The following RAB4A variants were observed in gnomAD, a reference collection of about 807,000 sequenced individuals.
RAB4A encodes ras-related protein Rab-4A.
In RAB4A, 20 loss-of-function variants were observed where a neutral mutation model predicts 34.5. That is an observed-to-expected ratio of 0.58 (90% CI 0.41 to 0.84). The LOEUF is 0.84. Ranked by LOEUF, RAB4A falls within the 40% of genes least tolerant of loss-of-function variation. RAB4A has a pLI of 0.00. For synonymous variants in RAB4A, 102 were observed against 100.0 expected, an observed-to-expected ratio of 1.02 and a Z score of -0.12; for missense variants, 228 against 274.5, an observed-to-expected ratio of 0.83 and a Z score of 1.20.
At chr1:229,277,867 TTTC>T (rs1416789817) in intron 1 of RAB4A, among the ~76,000 whole-genome samples, 1 of 151,246 alleles carries the variant, frequency 6.6e-6, no homozygotes, top group Non-Finnish European at 1.5e-5. Context: ...ATCTCCTCCC[TTTC>T]TTCTTTTTTT....
intron 3 of RAB4A, 138 bp from the exon 4 acceptor site, chr1:229,295,710 T>C (rs1171289761): frequency 3.9e-6 from 3 of 759,740 alleles, no homozygotes; most frequent in Non-Finnish European, 6.6e-6. Flanking sequence ...CAAATATCTT[T>C]GAATCATTTC....
chr1:229,285,165 C>T (rs970711861), intron 1 of RAB4A, among the ~76,000 whole-genome samples: 132 of 152,102 alleles, frequency 8.7e-4, no homozygotes, highest in African/African-American at 3.0e-3. Flanking sequence ...CCACCATACC[C>T]GGCTAAGTTT....
intron 1 of RAB4A, among the ~76,000 whole-genome samples, chr1:229,281,637 G>A (rs973183926): frequency 6.6e-6 from 1 of 151,662 alleles, no homozygotes; most frequent in African/African-American, 2.4e-5. Flanking sequence ...TGTAATTATT[G>A]ATATTGTATG....
At chr1:229,292,019 A>G (rs1257973597) in intron 3 of RAB4A, among the ~76,000 whole-genome samples, 1 of 139,078 alleles carries the variant, frequency 7.2e-6, no homozygotes, top group Non-Finnish European at 1.5e-5. Context: ...TTGAATAATG[A>G]GAACACATGG....
intron 1 of RAB4A, among the ~76,000 whole-genome samples, chr1:229,275,230 C>G (rs763687599): frequency 1.3e-5 from 2 of 152,068 alleles, no homozygotes; most frequent in Non-Finnish European, 2.9e-5. Context: ...ATGAGGGAAA[C>G]TTAGACACAA....
At chr1:229,289,398 T>C (rs1459429327) in intron 3 of RAB4A, among the ~76,000 whole-genome samples, 2 of 152,228 alleles carry the variant, frequency 1.3e-5, no homozygotes, top group Non-Finnish European at 2.9e-5. Flanking sequence ...AATATTTTAG[T>C]TGTGGTTTTT....
In RAB4A at chr1:229,276,919, A is replaced by G. The variant is rs1307644921; in HGVS notation, c.31+5549A>G. Among the ~76,000 whole-genome samples, 3 of 150,406 alleles carry G rather than the reference A, an allele frequency of 2.0e-5. 1 individual carries two copies. The highest frequency in any genetic ancestry group is 5.0e-5 in the African/African-American group (2 of 40,170). ...TCCACAGCACCTGGAACCTGGGTTC[A>G]TGAGGATACAAGAGCCTCCTGGGCC... On this transcript the variant is annotated intron_variant, in intron 1 of 7. Coordinates refer to ENST00000366690, the MANE Select transcript of RAB4A (RefSeq NM_004578.4).
intron 5 of RAB4A, 137 bp from the exon 6 acceptor site, chr1:229,298,840 A>T: frequency 1.5e-6 from 1 of 650,366 alleles, no homozygotes; most frequent in Non-Finnish European, 2.7e-6. Flanking sequence ...TTGATTTTAT[A>T]TTTACAGAAA....
Position 229,297,651 on chromosome 1 carries a change from A to G in RAB4A, c.445+15A>G. The G allele has an allele frequency of 1.3e-6, 2 of 1,555,166 alleles. No individual in the cohort carries two copies. The highest frequency in any genetic ancestry group is 1.7e-6 in the Non-Finnish European group (2 of 1,154,260). ...TCAAGAAAATGGCAAGTGACCTTTT[A>G]CTTCTTACTATTTTTCAAATCGCAT... On this transcript the variant is annotated intron_variant, in intron 5 of 7. Coordinates refer to ENST00000366690, the MANE Select transcript of RAB4A (RefSeq NM_004578.4).
chr1:229,295,407 T>G (rs145973331), intron 3 of RAB4A, among the ~76,000 whole-genome samples: 1 of 152,240 alleles, frequency 6.6e-6, no homozygotes, highest in African/African-American at 2.4e-5. Flanking sequence ...CCGTGGTGAC[T>G]ATGGATTCCT....
intron 1 of RAB4A, among the ~76,000 whole-genome samples, chr1:229,273,600 G>A (rs1656560790): frequency 6.6e-6 from 1 of 152,272 alleles, no homozygotes; most frequent in African/African-American, 2.4e-5. Context: ...AATTACCTGG[G>A]CATGGTGGTA....
At chr1:229,297,701 G>A (rs1657285205) in intron 5 of RAB4A, 65 bp downstream of exon 5, 3 of 1,407,788 alleles carry the variant, frequency 2.1e-6, no homozygotes, top group Admixed American at 2.6e-5. Flanking sequence ...GCATTTCTTT[G>A]AATTTAAAAC....
chr1:229,273,195 G>A (rs1656542413), intron 1 of RAB4A, among the ~76,000 whole-genome samples: 1 of 152,116 alleles, frequency 6.6e-6, no homozygotes, highest in African/African-American at 2.4e-5. Context: ...AGGAGATAGA[G>A]CTTTTATGTT....
At chr1:229,275,951 G>T (rs1490071861) in intron 1 of RAB4A, among the ~76,000 whole-genome samples, 2 of 151,022 alleles carry the variant, frequency 1.3e-5, no homozygotes, top group Admixed American at 6.6e-5. Flanking sequence ...AAGTCACCTG[G>T]TTCCAATAAA....
Position 229,295,737 on chromosome 1 carries a change from C to T in RAB4A, c.228-111C>T, listed in dbSNP as rs2102851881. ...AATCATTTCTCTTTTAAACCAGTGT[C>T]TGTCCCTGTGTTGTGGTTTACAAAG... is the stretch of plus-strand genomic sequence containing the variant. On this transcript the variant is annotated intron_variant, in intron 3 of 7. Coordinates refer to ENST00000366690, the MANE Select transcript of RAB4A (RefSeq NM_004578.4). 4.3e-6 allele frequency: 4 copies of T among 926,954 alleles called. No homozygotes were observed. The East Asian group carries it at 7.4e-5, about 17-fold the overall frequency. The allele number at this position is 926,954 out of a possible 1,614,324, so 57.4% of individuals were successfully genotyped here.
At chr1:229,289,447 T>C (rs1172840598) in intron 3 of RAB4A, among the ~76,000 whole-genome samples, 1 of 152,244 alleles carries the variant, frequency 6.6e-6, no homozygotes, top group African/African-American at 2.4e-5. Context: ...TTCATAGTTT[T>C]ATAATTCAGT....
chr1:229,305,340 T>C lies in RAB4A; in HGVS notation c.*1547T>C. On this transcript the variant is annotated 3_prime_UTR_variant, in exon 8 of 8. Transcript: ENST00000366690. ...GCTCATTTTTGAACAGCTTTTTGCA[T>C]GGGATAGGAGCATGTCTATTCTAAC... 5 of 1,551,306 alleles carry C rather than the reference T, an allele frequency of 3.2e-6. No individual in the cohort carries two copies. Among genetic ancestry groups the C allele is most frequent in the Non-Finnish European group, 4.4e-6 (5 of 1,145,100 alleles).
rs1030469028 is a variant in RAB4A at position 229,303,908 on chromosome 1, T to C, written c.*115T>C. 1.3e-5 allele frequency: 2 copies of C among 152,178 alleles called. No homozygotes were observed. Among genetic ancestry groups the C allele is most frequent in the Non-Finnish European group, 2.9e-5 (2 of 68,036 alleles). The allele number at this position is 152,178 out of a possible 1,614,324, so 9.4% of individuals were successfully genotyped here. On this transcript the variant is annotated 3_prime_UTR_variant, in exon 8 of 8. Coordinates refer to ENST00000366690, the MANE Select transcript of RAB4A (RefSeq NM_004578.4). ...TACTCTGTATGGAAGTAGATCTTTATGGGGAAAAGAGAATTTGGGGTGTTC... is the reference window on the plus strand; with the variant it reads ...TACTCTGTATGGAAGTAGATCTTTACGGGGAAAAGAGAATTTGGGGTGTTC...
chr1:229,299,056 T>G lies in RAB4A; in HGVS notation c.525T>G (p.Leu175=), dbSNP rs1384310920. 6.2e-7 allele frequency: 1 copy of G among 1,605,474 alleles called. No individual in the cohort carries two copies. The highest frequency in any genetic ancestry group is 8.5e-7 in the Non-Finnish European group (1 of 1,177,646). Residue 175 remains leucine (L), a synonymous_variant, in exon 6 of 8, where the codon CTT becomes CTG. Coordinates refer to ENST00000366690, the MANE Select transcript of RAB4A (RefSeq NM_004578.4). ...TTGTACAGTGTGCAAGAAAAATACT[T>G]AACAAAATCGAATCAGGTAAAAGCC... is the stretch of plus-strand genomic sequence containing the variant. ...EAFVQCARKI[L]NKIESGELDP...
Sources: allele counts gnomAD v4.1 joint callset (sites outside exome capture counted in the v4.1 genomes callset), GRCh38; gene constraint gnomAD v4.1.1; transcripts MANE v1.5; gene names NCBI Gene and HGNC (gene_info 2026-07-23, HGNC 2026-07-21).